Variants in MYH6 observed in about 807,000 individuals in gnomAD.
MYH6 encodes myosin heavy chain 6, also known as myosin-6.
Under a neutral mutation model 223.2 loss-of-function variants are expected in MYH6, and 126 were observed. The ratio of observed to expected loss-of-function variants is 0.56; its 90% CI spans 0.49 to 0.65. MYH6 has a LOEUF of 0.65. Ranked by LOEUF, MYH6 falls within the 30% of genes least tolerant of loss-of-function variation. The pLI is 0.00. For synonymous variants in MYH6, 978 were observed against 1,010.2 expected (o/e 0.97, Z 0.61); for missense variants, 2,040 against 2,536.4 (o/e 0.80, Z 4.20).
rs753132634 is a variant in MYH6 at position 23,390,228 on chromosome 14, G to C, written c.3561C>G (p.His1187Gln). ...TGCGCAGGGCCGCGGCAGTGGCCTC[G>C]TGCTGCAGCGTGGCCTCCTCCAGGT... ...RRDLEEATLQ[H>Q]EATAAALRKK... The change falls in exon 26 of 39, where the codon CAC becomes CAG. Residue 1187 changes from histidine (H) to glutamine (Q), a missense_variant. Transcript: ENST00000405093. 2 of 1,586,242 alleles carry C rather than the reference G, an allele frequency of 1.3e-6. No individual in the cohort carries two copies. The highest frequency in any genetic ancestry group is 4.6e-5 in the East Asian group (2 of 43,950).
At chr14:23,383,354 A>G (rs892683823) in intron 36 of MYH6, 34 bp from the exon 37 acceptor site, 2 of 1,473,474 alleles carry the variant, frequency 1.4e-6, no homozygotes. Flanking sequence ...GCTGGTTTGG[A>G]GGGGGAGCAA....
Position 23,393,742 on chromosome 14 carries a change from T to C in MYH6, c.2852A>G (p.Glu951Gly), listed in dbSNP as rs1360691146. The C allele has an allele frequency of 6.2e-7, 1 of 1,614,212 alleles. No individual in the cohort carries two copies. ...CAGGTCATCAATGTCCTTCTTGAGCTCTGAGCACTCGTCTTCCAGCTTGCG... is the reference window on the plus strand; with the variant it reads ...CAGGTCATCAATGTCCTTCTTGAGCCCTGAGCACTCGTCTTCCAGCTTGCG... ...KKRKLEDECS[E>G]LKKDIDDLEL... Residue 951 changes from glutamate (E) to glycine (G), a missense_variant, in exon 22 of 39, where the codon GAG (glutamate) becomes GGG (glycine). Glu to Gly is a moderately conservative substitution (Grantham distance 98). Around this residue, in one of 4 missense-constraint regions of MYH6, gnomAD observed 1,203 missense variants for 1,400.2 expected, o/e 0.86. Coordinates refer to ENST00000405093, the MANE Select transcript of MYH6 (RefSeq NM_002471.4).
At chr14:23,388,812 G>A (rs373553416) in intron 29 of MYH6, 47 bp downstream of exon 29, 23 of 1,613,354 alleles carry the variant, frequency 1.4e-5, no homozygotes, top group South Asian at 4.4e-5. Flanking sequence ...AGGTCCTCTC[G>A]CCCCTTCCTC....
intron 36 of MYH6, among the ~76,000 whole-genome samples, chr14:23,384,013 G>A (rs988294363): frequency 6.6e-6 from 1 of 152,140 alleles, no homozygotes; most frequent in Admixed American, 6.5e-5. Flanking sequence ...AGCTATGCAA[G>A]TGGAGGTTTT....
At chr14:23,401,767 A>T (rs1459427012) in intron 12 of MYH6, among the ~76,000 whole-genome samples, 1 of 152,192 alleles carries the variant, frequency 6.6e-6, no homozygotes, top group African/African-American at 2.4e-5. Context: ...AGACAGTACC[A>T]CGCTCCTACC....
At chr14:23,389,861 T>C in intron 26 of MYH6, 142 bp from the exon 27 acceptor site, 1 of 1,527,328 alleles carries the variant, frequency 6.5e-7, no homozygotes, top group Non-Finnish European at 9.0e-7. Context: ...AAGAGAGACT[T>C]GAATTAAAGA....
chr14:23,389,986 C>A (rs919899426), intron 26 of MYH6, 71 bp downstream of exon 26: 3 of 1,612,576 alleles, frequency 1.9e-6, no homozygotes, highest in Admixed American at 3.3e-5. Flanking sequence ...AGATGGCAGA[C>A]AGAGAGAGAA....
In MYH6 at chr14:23,400,647, T is replaced by A. The variant is rs1174509638; in HGVS notation, c.1410+62A>T. 9 of 1,613,222 alleles carry A rather than the reference T, an allele frequency of 5.6e-6. No individual in the cohort carries two copies. In the Admixed American group the frequency reaches 1.5e-4, roughly 27 times the overall value. ...TGGTCCACAGCTGGCTCTCAGCAAA[T>A]GGCTGTTGAATGTAGGAGCAAGCGA... On this transcript the variant is annotated intron_variant, in intron 13 of 38. Transcript: ENST00000405093.
chr14:23,396,623 C>T (rs1891403352), intron 19 of MYH6, 71 bp downstream of exon 19: 1 of 1,612,966 alleles, frequency 6.2e-7, no homozygotes, highest in Non-Finnish European at 8.5e-7. Context: ...GCTTCTGCCT[C>T]CTAAACTCCT....
chr14:23,399,495 C>G (rs528526548), intron 14 of MYH6, among the ~76,000 whole-genome samples: 1 of 152,318 alleles, frequency 6.6e-6, no homozygotes. Flanking sequence ...TTTCTTGGGG[C>G]AGGAATCCTT....
intron 33 of MYH6, 57 bp from the exon 34 acceptor site, chr14:23,386,188 G>C: frequency 2.5e-6 from 4 of 1,613,298 alleles, no homozygotes; most frequent in Non-Finnish European, 3.4e-6. Flanking sequence ...CTTCACTGAG[G>C]GCACCTGTCA....
chr14:23,399,273 C>T (rs1030949498), intron 14 of MYH6, among the ~76,000 whole-genome samples: 1 of 152,124 alleles, frequency 6.6e-6, no homozygotes, highest in Non-Finnish European at 1.5e-5. Flanking sequence ...CTCCTAATCA[C>T]CCCCCACAAG....
Position 23,398,638 on chromosome 14 carries a change from C to T in MYH6, c.1891+90G>A, listed in dbSNP as rs561566934. ...TGACTCATGGGCTCCCCTGTGCCTG[C>T]CTATGGAGTCATGTGCTTTGAAGCA... is the stretch of plus-strand genomic sequence containing the variant. On this transcript the variant is annotated intron_variant, in intron 15 of 38. Coordinates refer to ENST00000405093, the MANE Select transcript of MYH6 (RefSeq NM_002471.4). 164 of 1,479,034 alleles carry T rather than the reference C, an allele frequency of 1.1e-4. 1 individual carries two copies. The South Asian group carries it at 1.7e-3, about 16-fold the overall frequency. 91.6% of individuals were successfully genotyped at this position (1,479,034 alleles called of 1,614,324 possible).
Position 23,401,100 on chromosome 14 carries a change from G to T in MYH6, c.1142-123C>A, listed in dbSNP as rs1039554580. On this transcript the variant is annotated intron_variant, in intron 12 of 38. Coordinates refer to ENST00000405093, the MANE Select transcript of MYH6 (RefSeq NM_002471.4). ...TGGCTCACTACAGCCTCCACCTCCTGGGTTCAAGTGATTTTCCTGCCTCAG... is the reference window on the plus strand; with the variant it reads ...TGGCTCACTACAGCCTCCACCTCCTTGGTTCAAGTGATTTTCCTGCCTCAG... 2.0e-6 allele frequency: 3 copies of T among 1,468,226 alleles called. No individual in the cohort carries two copies. The African/African-American group carries it at 4.2e-5, about 21-fold the overall frequency. 90.9% of individuals were successfully genotyped at this position (1,468,226 alleles called of 1,614,324 possible).
chr14:23,396,114 AAAGAAGAAG>A (rs34644851), intron 20 of MYH6, among the ~76,000 whole-genome samples, 161 bp downstream of exon 20: 9 of 144,636 alleles, frequency 6.2e-5, no homozygotes, highest in South Asian at 2.1e-4. Context: ...AAAAAAAAAA[AAAGAAGAAG>A]AAGAAGAAGA....
At position 23,389,594 on chromosome 14, in the gene MYH6, A is replaced by G. The variant is rs774702449; in HGVS notation, c.3858T>C (p.Asn1286=). 3 of 1,614,122 alleles carry G rather than the reference A, an allele frequency of 1.9e-6. No homozygotes were observed. Among genetic ancestry groups the G allele is most frequent in the Non-Finnish European group, 2.5e-6 (3 of 1,180,012 alleles). The change falls in exon 27 of 39, where the codon AAT becomes AAC. Residue 1286 remains asparagine, a splice_region_variant and synonymous_variant. Transcript: ENST00000405093. The part of the protein sequence containing the change: ...TTQRAKLQTE[N]GELARQLEEK... Reference sequence around the variant, plus strand: ...AGGGGGTTGGTTAGGGGCACCCACCATTCTCGGTCTGCAGCTTGGCTCGCT... The same window carrying G: ...AGGGGGTTGGTTAGGGGCACCCACCGTTCTCGGTCTGCAGCTTGGCTCGCT...
chr14:23,397,023 C>G lies in MYH6; in HGVS notation c.2108G>C (p.Gly703Ala). ...HQLRCNGVLE[G>A]IRICRKGFPN... ...GAAGCCCTTCCTGCAGATGCGGATG[C>G]CCTCCAGCACGCCATTGCAGCGCAG... Residue 703 changes from glycine (G) to alanine (A), a missense_variant, in exon 18 of 39, where the codon GGC becomes GCC. Around this residue, in one of 4 missense-constraint regions of MYH6, gnomAD observed 649 missense variants for 877.3 expected, o/e 0.74. Transcript: ENST00000405093. The G allele has an allele frequency of 6.2e-7, 1 of 1,614,020 alleles. No homozygotes were observed. Among genetic ancestry groups the G allele is most frequent in the South Asian group, 1.1e-5 (1 of 91,070 alleles).
chr14:23,385,966 T>A lies in MYH6; in HGVS notation c.5125A>T (p.Ile1709Phe), dbSNP rs1891005283. 2.5e-6 allele frequency: 4 copies of A among 1,614,086 alleles called. No homozygotes were observed. The highest frequency in any genetic ancestry group is 3.4e-6 in the Non-Finnish European group (4 of 1,180,046). Reference protein sequence around the residue: ...RSRKLAEQELIETSERVQLLH... With the variant: ...RSRKLAEQELFETSERVQLLH... ...AGCTGCACCCGCTCGCTGGTCTCAA[T>A]CAGCTCCTGCTCCGCCAGCTTCCGG... Residue 1709 changes from isoleucine (I) to phenylalanine (F), a missense_variant, in exon 34 of 39, where the codon ATT becomes TTT. Physicochemically the swap from Ile to Phe is conservative, Grantham distance 21. This residue lies in a region of MYH6 where 1,203 missense variants were observed against 1,400.2 expected (regional missense o/e 0.86). Coordinates refer to ENST00000405093, the MANE Select transcript of MYH6 (RefSeq NM_002471.4).
Position 23,396,769 on chromosome 14 carries a change from A to C in MYH6, c.2217T>G (p.Asp739Glu), listed in dbSNP as rs374177807. The part of the protein sequence containing the change: ...PVAIPEGQFI[D>E]SRKGTEKLLS... The stretch of plus-strand genomic sequence containing the variant: ...GCAGCTTCTCTGTCCCCTTCCTGCT[A>C]TCAATGAACTGTCCCTCAGGGATGG... The change falls in exon 19 of 39, where the codon GAT becomes GAG. Residue 739 changes from aspartate (D) to glutamate (E), a missense_variant. By Grantham distance (45) the Asp-to-Glu change is conservative. Around this residue, in one of 4 missense-constraint regions of MYH6, gnomAD observed 649 missense variants for 877.3 expected, o/e 0.74. Coordinates refer to ENST00000405093, the MANE Select transcript of MYH6 (RefSeq NM_002471.4). 2 of 1,613,984 alleles carry C rather than the reference A, an allele frequency of 1.2e-6. No homozygotes were observed. The highest frequency in any genetic ancestry group is 1.1e-5 in the South Asian group (1 of 91,076).
Sources: allele counts gnomAD v4.1 joint callset (sites outside exome capture counted in the v4.1 genomes callset), GRCh38; gene constraint gnomAD v4.1.1; regional missense constraint gnomAD v4.1.1; transcripts MANE v1.5; gene names NCBI Gene and HGNC (gene_info 2026-07-23, HGNC 2026-07-21).